Variants in KDM4C observed in about 807,000 individuals in gnomAD.
KDM4C encodes lysine-specific demethylase 4C.
A neutral mutation model predicts 129.3 loss-of-function variants in KDM4C; 81 were observed. The ratio of observed to expected loss-of-function variants is 0.63; its 90% CI spans 0.52 to 0.75. KDM4C has a LOEUF of 0.75. KDM4C is among the 30% of genes least tolerant of loss of function. The pLI is 0.00. For missense variants in KDM4C, 1,457 were observed against 1,304.0 expected, an observed-to-expected ratio of 1.12 and a Z score of -1.81; for synonymous variants, 573 against 456.1, an observed-to-expected ratio of 1.26 and a Z score of -3.26.
At chr9:6,791,642 C>T (rs1826647705) in intron 1 of KDM4C, among the ~76,000 whole-genome samples, 1 of 152,138 alleles carries the variant, frequency 6.6e-6, no homozygotes, top group African/African-American at 2.4e-5. Flanking sequence ...TAGACTAGGC[C>T]TTTGTACAGG....
chr9:6,772,753 C>T (rs1433914160), intron 1 of KDM4C, among the ~76,000 whole-genome samples: 10 of 143,504 alleles, frequency 7.0e-5, no homozygotes, highest in Non-Finnish European at 6.0e-5. Context: ...AGTGAAGTGG[C>T]GCCATCTTGG....
chr9:7,052,898 A>AGAGAGAGAGAGAGAGAGC (rs1477487723), intron 17 of KDM4C, among the ~76,000 whole-genome samples: 6 of 47,532 alleles, frequency 1.3e-4, no homozygotes, highest in Non-Finnish European at 2.8e-4. Flanking sequence ...AGAGAGAGAG[A>AGAGAGAGAGAGAGAGAGC]GAGCGAGCGA....
chr9:6,921,700 C>T lies in KDM4C; in HGVS notation c.921+28468C>T, dbSNP rs1435329922. 4.6e-5 allele frequency among the ~76,000 whole-genome samples: 7 copies of T among 152,238 alleles called. No individual in the cohort carries two copies. In the East Asian group the frequency reaches 1.2e-3, roughly 25 times the overall value. ...GTGTATACTTCTGCTCAGAATCTCC[C>T]CTTCCTAGCTTCCCATCTCGCTTCC... On this transcript the variant is annotated intron_variant, in intron 8 of 21. Transcript: ENST00000381309.
At chr9:7,016,183 A>C (rs1054089347) in intron 15 of KDM4C, among the ~76,000 whole-genome samples, 4 of 151,024 alleles carry the variant, frequency 2.6e-5, no homozygotes, top group East Asian at 2.0e-4. Flanking sequence ...GCTAGAGTGC[A>C]GTGGCAAGAT....
intron 4 of KDM4C, among the ~76,000 whole-genome samples, chr9:6,833,184 A>G (rs1564117564): frequency 6.6e-6 from 1 of 151,950 alleles, no homozygotes; most frequent in Non-Finnish European, 1.5e-5. Flanking sequence ...CCCCTTTAGG[A>G]TTTTCTACAA....
intron 17 of KDM4C, among the ~76,000 whole-genome samples, chr9:7,054,580 C>T (rs1233476702): frequency 2.6e-5 from 4 of 152,110 alleles, no homozygotes; most frequent in Non-Finnish European, 4.4e-5. Flanking sequence ...GGTTTGGAGA[C>T]AGATCACTGT....
chr9:6,849,481 C>T (rs760533880), intron 4 of KDM4C, 26 bp from the exon 5 acceptor site: 1 of 1,499,498 alleles, frequency 6.7e-7, no homozygotes, highest in Admixed American at 2.0e-5. Flanking sequence ...TTTGATTTCT[C>T]TCTCTTTTTT....
rs75057541 is a variant in KDM4C at position 7,013,729 on chromosome 9, C to G, written c.1969-59C>G. The G allele has an allele frequency of 2.9e-3, 4,433 of 1,516,052 alleles. 120 individuals are homozygous for G. In the African/African-American group the frequency reaches 0.052, roughly 18 times the overall value. 93.9% of individuals were successfully genotyped at this position (1,516,052 alleles called of 1,614,324 possible). A position where few individuals can be genotyped will look rare whatever the true frequency, so the allele number is the denominator to read the frequency against. On this transcript the variant is annotated intron_variant, in intron 13 of 21. Coordinates refer to ENST00000381309, the MANE Select transcript of KDM4C (RefSeq NM_015061.6). ...AACAGGAGTTAGTGGATTTGAGTGA[C>G]TAGAATGATGAGCTCTTTTCCATGT...
chr9:6,928,477 C>G (rs768216517), intron 8 of KDM4C, among the ~76,000 whole-genome samples: 5 of 152,204 alleles, frequency 3.3e-5, no homozygotes, highest in Non-Finnish European at 7.3e-5. Context: ...TGTCATTCCC[C>G]TTATTACTCG....
chr9:6,854,773 G>C (rs564493354), intron 5 of KDM4C, among the ~76,000 whole-genome samples: 12 of 152,302 alleles, frequency 7.9e-5, no homozygotes, highest in East Asian at 5.8e-4. Context: ...CAATTATTCA[G>C]GATAGATACA....
chr9:7,106,040 A>G (rs920900221), intron 18 of KDM4C, among the ~76,000 whole-genome samples: 8 of 151,408 alleles, frequency 5.3e-5, no homozygotes, highest in African/African-American at 1.9e-4. Flanking sequence ...CCTTTGCTAC[A>G]TTTTCTAGGT....
At chr9:6,759,663 G>C (rs936732267) in intron 1 of KDM4C, among the ~76,000 whole-genome samples, 5 of 152,060 alleles carry the variant, frequency 3.3e-5, no homozygotes, top group African/African-American at 1.2e-4. Context: ...TTCTAAAGTT[G>C]AAAATCAGAC....
intron 5 of KDM4C, among the ~76,000 whole-genome samples, chr9:6,851,096 T>C (rs956330161): frequency 6.6e-6 from 1 of 152,172 alleles, no homozygotes; most frequent in Admixed American, 6.5e-5. Context: ...TCATACAGGC[T>C]CCAGTGACAA....
At chr9:6,949,191 G>A (rs1266841657) in intron 8 of KDM4C, among the ~76,000 whole-genome samples, 4 of 149,710 alleles carry the variant, frequency 2.7e-5, no homozygotes, top group South Asian at 2.1e-4. Flanking sequence ...CGGGCGGAGG[G>A]GCTCCTCACT....
intron 1 of KDM4C, among the ~76,000 whole-genome samples, chr9:6,760,808 G>GT (rs1333241017): frequency 6.6e-6 from 1 of 151,238 alleles, no homozygotes; most frequent in Non-Finnish European, 1.5e-5. Context: ...TCCTGACCTC[G>GT]TGATCTGCCC....
chr9:7,055,033 C>T (rs1403951138), intron 17 of KDM4C, among the ~76,000 whole-genome samples: 2 of 151,976 alleles, frequency 1.3e-5, no homozygotes, highest in South Asian at 2.1e-4. Flanking sequence ...AAAAATTAGC[C>T]GGGTGTGGGT....
At chr9:7,031,449 T>C (rs1165847257) in intron 15 of KDM4C, among the ~76,000 whole-genome samples, 3 of 152,066 alleles carry the variant, frequency 2.0e-5, no homozygotes, top group Non-Finnish European at 4.4e-5. Context: ...GCGTGAGCCA[T>C]TGCACCTGGC....
At chr9:6,734,995 G>A (rs1817476077) in intron 1 of KDM4C, 1 of 554,678 alleles carries the variant, frequency 1.8e-6, no homozygotes, top group South Asian at 1.4e-5. Flanking sequence ...AAGTTGATAG[G>A]GTTTGGGTAT....
intron 8 of KDM4C, among the ~76,000 whole-genome samples, chr9:6,911,457 A>T (rs1294606261): frequency 6.6e-6 from 1 of 152,206 alleles, no homozygotes; most frequent in Non-Finnish European, 1.5e-5. Flanking sequence ...CTAGTTAATG[A>T]TTTTGATGAA....
Sources: allele counts gnomAD v4.1 joint callset (sites outside exome capture counted in the v4.1 genomes callset), GRCh38; gene constraint gnomAD v4.1.1; transcripts MANE v1.5; gene names NCBI Gene and HGNC (gene_info 2026-07-23, HGNC 2026-07-21).